PER3: variants seen among roughly 807,000 people sequenced by gnomAD.
The protein encoded by PER3 is period circadian protein homolog 3.
A neutral mutation model predicts 127.2 loss-of-function variants in PER3; 107 were observed. That is an observed-to-expected ratio of 0.84 (90% CI 0.72 to 0.99). PER3 has a LOEUF of 0.99. Among genes scored for constraint, PER3 ranks in the 50% least tolerant of loss-of-function variants. The pLI is 0.00. For synonymous variants in PER3, 618 were observed against 585.8 expected (o/e 1.05, Z -0.79); for missense variants, 1,560 against 1,525.8 (o/e 1.02, Z -0.37).
intron 10 of PER3, chr1:7,804,065 A>G: frequency 2.5e-6 from 1 of 401,530 alleles, no homozygotes; most frequent in Non-Finnish European, 4.4e-6. Context: ...ATCATTAAGT[A>G]AACTCTGGAA....
rs554235497 is a variant in PER3 at position 7,812,310 on chromosome 1, C to T, written c.1522+1722C>T. On this transcript the variant is annotated intron_variant, in intron 13 of 21. Transcript: ENST00000377532. Reference sequence around the variant, plus strand: ...TATCTTTAAGTAGATGGCAATATTCCATCATTCACTTTTTATAAAATTGAA... The same window carrying T: ...TATCTTTAAGTAGATGGCAATATTCTATCATTCACTTTTTATAAAATTGAA... 7.9e-5 allele frequency among the ~76,000 whole-genome samples: 12 copies of T among 152,046 alleles called. No homozygotes were observed. The South Asian group carries it at 2.5e-3, about 32-fold the overall frequency.
In PER3 at chr1:7,829,954, TCGCCTCC is replaced by T. The variant is rs759351231; in HGVS notation, c.3009_3015del (p.Pro1004Ter). On this transcript the variant is annotated frameshift_variant, in exon 19 of 22. Transcript: ENST00000377532. LOFTEE classifies it high-confidence loss of function. ...TACTGCCAGCGCTCTGTCCACAGGA[TCGCCTCC>T]CATGAAGAATCCATCCCATCCTACT... is the stretch of plus-strand genomic sequence containing the variant. The T allele has an allele frequency of 4.7e-5, 58 of 1,227,216 alleles. No homozygotes were observed. The highest frequency in any genetic ancestry group is 1.5e-4 in the South Asian group (8 of 53,712). 76.0% of individuals were successfully genotyped at this position (1,227,216 alleles called of 1,614,324 possible). A position where few individuals can be genotyped will look rare whatever the true frequency, so the allele number is the denominator to read the frequency against.
chr1:7,831,427 T>C (rs947353851), intron 19 of PER3, among the ~76,000 whole-genome samples: 11 of 152,210 alleles, frequency 7.2e-5, no homozygotes, highest in African/African-American at 2.4e-4. Context: ...TTTCCGTCTG[T>C]ATGTCTTTAT....
chr1:7,822,027 T>C (rs2097279166), intron 16 of PER3, among the ~76,000 whole-genome samples: 1 of 152,160 alleles, frequency 6.6e-6, no homozygotes, highest in Non-Finnish European at 1.5e-5. Flanking sequence ...CCATGAGTAG[T>C]AGAGTAGGGA....
chr1:7,803,456 T>G (rs955340912), intron 9 of PER3, among the ~76,000 whole-genome samples: 1 of 151,134 alleles, frequency 6.6e-6, no homozygotes, highest in Non-Finnish European at 1.5e-5. Flanking sequence ...GGCATGGTGG[T>G]GCACGCCTGT....
intron 5 of PER3, among the ~76,000 whole-genome samples, chr1:7,790,248 A>G (rs2097113074): frequency 6.6e-6 from 1 of 152,178 alleles, no homozygotes; most frequent in Non-Finnish European, 1.5e-5. Flanking sequence ...AGTTTAATTG[A>G]CTCACAGTTC....
chr1:7,810,546 C>T lies in PER3; in HGVS notation c.1480C>T (p.Arg494Cys), dbSNP rs201841976. The T allele has an allele frequency of 1.5e-4, 239 of 1,613,432 alleles. 1 individual carries two copies. The East Asian group carries it at 2.8e-3, about 19-fold the overall frequency. ...KSSFKPVTGT[R>C]TEPNGGGESA... The stretch of plus-strand genomic sequence containing the variant: ...ATCATTCAAGCCAGTGACGGGGACA[C>T]GCACAGAACCGAATGGTGGTGGTGA... Residue 494 changes from arginine to cysteine, a missense_variant, in exon 13 of 22, where the codon CGC becomes TGC. Transcript: ENST00000377532.
At chr1:7,801,593 A>T (rs2097170979) in intron 8 of PER3, among the ~76,000 whole-genome samples, 1 of 152,330 alleles carries the variant, frequency 6.6e-6, no homozygotes, top group African/African-American at 2.4e-5. Context: ...TCAGTTTATG[A>T]TGAAATTTCA....
Position 7,835,791 on chromosome 1 carries a change from A to G in PER3, c.3244A>G (p.Ser1082Gly), listed in dbSNP as rs766292135. Residue 1082 changes from serine to glycine, a missense_variant, in exon 20 of 22, where the codon AGT (serine) becomes GGT (glycine). Transcript: ENST00000377532. ...CAGCGACAGCAGTATATACCTTACT[A>G]GTAGTGTTTATTCTTCTAAAATCTC... Reference protein sequence around the residue: ...GSSDSSIYLTSSVYSSKISQN... With the variant: ...GSSDSSIYLTGSVYSSKISQN... 1.9e-6 allele frequency: 3 copies of G among 1,612,018 alleles called. No homozygotes were observed. Among genetic ancestry groups the G allele is most frequent in the African/African-American group, 2.7e-5 (2 of 74,858 alleles).
In PER3 at chr1:7,843,243, C is replaced by T. The variant is rs577506819; in HGVS notation, c.*488C>T. On this transcript the variant is annotated 3_prime_UTR_variant, in exon 22 of 22. Transcript: ENST00000377532. The stretch of plus-strand genomic sequence containing the variant: ...GCTTCATTCAACCTGGCGTTCCCCT[C>T]CATAATTAAGATGAAACATTCCGGT... The T allele has an allele frequency of 5.9e-5, 9 of 153,160 alleles. 1 individual carries two copies. The highest frequency in any genetic ancestry group is 2.2e-4 in the African/African-American group (9 of 41,564). The allele number at this position is 153,160 out of a possible 1,614,324, so 9.5% of individuals were successfully genotyped here. A position where few individuals can be genotyped will look rare whatever the true frequency, so the allele number is the denominator to read the frequency against.
At chr1:7,790,697 C>T (rs1403501175) in intron 5 of PER3, among the ~76,000 whole-genome samples, 1 of 152,176 alleles carries the variant, frequency 6.6e-6, no homozygotes, top group African/African-American at 2.4e-5. Context: ...GTCCCTTTCA[C>T]CTATGAGCCT....
At chr1:7,793,603 C>G (rs1181614302) in intron 5 of PER3, among the ~76,000 whole-genome samples, 1 of 152,144 alleles carries the variant, frequency 6.6e-6, no homozygotes, top group Non-Finnish European at 1.5e-5. Context: ...CAGACTATTA[C>G]AATGGGATGG....
At chr1:7,841,362 C>T (rs1489600864) in intron 21 of PER3, among the ~76,000 whole-genome samples, 4 of 151,998 alleles carry the variant, frequency 2.6e-5, no homozygotes, top group African/African-American at 9.7e-5. Context: ...AGATTCTCCC[C>T]TTTCCCAGGG....
At chr1:7,830,200 C>A in intron 19 of PER3, 39 bp downstream of exon 19, 3 of 1,540,428 alleles carry the variant, frequency 1.9e-6, no homozygotes, top group Non-Finnish European at 2.7e-6. Context: ...AACTCCAATG[C>A]CAGACATTCA....
intron 21 of PER3, among the ~76,000 whole-genome samples, chr1:7,838,203 A>G (rs780102230): frequency 5.3e-5 from 8 of 152,218 alleles, no homozygotes; most frequent in Non-Finnish European, 1.2e-4. Context: ...TTATTGTGGT[A>G]TAATACACAT....
At chr1:7,818,999 C>T (rs1286045800) in intron 13 of PER3, among the ~76,000 whole-genome samples, 1 of 152,218 alleles carries the variant, frequency 6.6e-6, no homozygotes, top group African/African-American at 2.4e-5. Context: ...CCTATGGTTT[C>T]ATTCCTTGAT....
At chr1:7,812,755 A>T (rs191260487) in intron 13 of PER3, among the ~76,000 whole-genome samples, 37 of 152,248 alleles carry the variant, frequency 2.4e-4, no homozygotes, top group African/African-American at 8.9e-4. Flanking sequence ...CACACACAGG[A>T]TGTGACTTTG....
intron 8 of PER3, among the ~76,000 whole-genome samples, chr1:7,801,485 C>T (rs1393735285): frequency 6.6e-6 from 1 of 152,156 alleles, no homozygotes; most frequent in Admixed American, 6.5e-5. Context: ...TTGCTGAGAA[C>T]AGATGTATAG....
chr1:7,828,875 A>G (rs1046818062), intron 18 of PER3, among the ~76,000 whole-genome samples: 3 of 152,120 alleles, frequency 2.0e-5, no homozygotes, highest in Non-Finnish European at 2.9e-5. Flanking sequence ...GTTCATTATT[A>G]TATTCCTAGT....
Sources: gnomAD v4.1 joint callset for allele counts (sites outside exome capture counted in the v4.1 genomes callset) on GRCh38, gnomAD v4.1.1 for gene constraint, MANE v1.5 for transcripts, NCBI Gene and HGNC (gene_info 2026-07-23, HGNC 2026-07-21) for gene names.